MOB3B: variants seen among roughly 807,000 people sequenced by gnomAD.
The protein encoded by MOB3B is MOB kinase activator 3B.
MOB3B carries 7 observed loss-of-function variants against 18.7 expected under a neutral mutation model. The observed-to-expected ratio is 0.37, with a 90% CI of 0.21 to 0.70. The LOEUF (loss-of-function observed/expected upper bound fraction) is 0.70. Ranked by LOEUF, MOB3B falls within the 30% of genes least tolerant of loss-of-function variation. MOB3B has a pLI of 0.52. For synonymous variants in MOB3B, 111 were observed against 99.9 expected, an observed-to-expected ratio of 1.11 and a Z score of -0.66; for missense variants, 253 against 281.3, an observed-to-expected ratio of 0.90 and a Z score of 0.72.
At chr9:27,485,544 C>A (rs1438569723) in intron 1 of MOB3B, among the ~76,000 whole-genome samples, 1 of 152,226 alleles carries the variant, frequency 6.6e-6, no homozygotes, top group East Asian at 1.9e-4. Context: ...CCAATATTAG[C>A]CCCTTTCTTT....
intron 2 of MOB3B, among the ~76,000 whole-genome samples, chr9:27,383,823 G>A (rs922338208): frequency 6.6e-6 from 1 of 152,146 alleles, no homozygotes; most frequent in Non-Finnish European, 1.5e-5. Context: ...TTAAATGGTT[G>A]CAATTACCTT....
At chr9:27,419,585 G>A (rs939224019) in intron 2 of MOB3B, among the ~76,000 whole-genome samples, 1 of 152,172 alleles carries the variant, frequency 6.6e-6, no homozygotes, top group Non-Finnish European at 1.5e-5. Flanking sequence ...ATGGTGCTGG[G>A]ATAATTGGCT....
intron 1 of MOB3B, among the ~76,000 whole-genome samples, chr9:27,475,908 T>A (rs2131471672): frequency 6.6e-6 from 1 of 152,326 alleles, no homozygotes; most frequent in East Asian, 1.9e-4. Context: ...CTTCTGCTCC[T>A]CGGCAAACTA....
At chr9:27,411,943 C>A (rs984285912) in intron 2 of MOB3B, among the ~76,000 whole-genome samples, 5 of 152,038 alleles carry the variant, frequency 3.3e-5, no homozygotes, top group Non-Finnish European at 5.9e-5. Flanking sequence ...CATGTGAGAA[C>A]CCTGTACTAT....
At chr9:27,470,050 A>T (rs1433429868) in intron 1 of MOB3B, among the ~76,000 whole-genome samples, 1 of 151,056 alleles carries the variant, frequency 6.6e-6, no homozygotes, top group Admixed American at 6.6e-5. Flanking sequence ...TCGAGGCCAC[A>T]ATGAACTATA....
rs780368248 is a variant in MOB3B, at chr9:27,527,120, A to C, written c.-199+2435T>G. On this transcript the variant is annotated intron_variant, in intron 1 of 3. Coordinates refer to ENST00000262244, the MANE Select transcript of MOB3B (RefSeq NM_024761.5). ...TAGTGATTTTTTTGGGAAGATTTTTAATTCTAAAAGAAACTGTACAAGCTT... is the reference window on the plus strand; with the variant it reads ...TAGTGATTTTTTTGGGAAGATTTTTCATTCTAAAAGAAACTGTACAAGCTT... Among the ~76,000 whole-genome samples, 25 of 152,312 alleles carry C rather than the reference A, an allele frequency of 1.6e-4. No individual in the cohort carries two copies. The South Asian group carries it at 1.7e-3, about 10-fold the overall frequency.
chr9:27,350,597 T>G (rs552847387), intron 3 of MOB3B, among the ~76,000 whole-genome samples: 1 of 152,204 alleles, frequency 6.6e-6, no homozygotes, highest in African/African-American at 2.4e-5. Context: ...CAGAGACATG[T>G]GGCTATTTTT....
intron 1 of MOB3B, among the ~76,000 whole-genome samples, chr9:27,526,910 G>A (rs990724647): frequency 6.6e-6 from 1 of 152,150 alleles, no homozygotes; most frequent in Non-Finnish European, 1.5e-5. Context: ...TGCATTACTG[G>A]GAGGAAAGTA....
At chr9:27,348,502 A>G (rs886713559) in intron 3 of MOB3B, among the ~76,000 whole-genome samples, 3 of 151,968 alleles carry the variant, frequency 2.0e-5, no homozygotes, top group Admixed American at 6.6e-5. Flanking sequence ...AAAATAAAAA[A>G]ATTATCCGGG....
intron 1 of MOB3B, among the ~76,000 whole-genome samples, chr9:27,527,364 GC>G (rs554697717): frequency 2.8e-4 from 40 of 141,268 alleles, no homozygotes; most frequent in African/African-American, 1.0e-3. Flanking sequence ...CAAAGATGTT[GC>G]TTTTTTTTCT....
At position 27,410,544 on chromosome 9, in the gene MOB3B, T is replaced by A. The variant is rs535008271; in HGVS notation, c.418+44589A>T. Among the ~76,000 whole-genome samples, 17 of 152,220 alleles carry A rather than the reference T, an allele frequency of 1.1e-4. No homozygotes were observed. The South Asian group carries it at 3.5e-3, about 32-fold the overall frequency. On this transcript the variant is annotated intron_variant, in intron 2 of 3. Transcript: ENST00000262244. Reference sequence around the variant, plus strand: ...TGTAAGAGCTCAGTTGTTCCTGTGATGAATGTATATTTTGCATCTTTCTGG... The same window carrying A: ...TGTAAGAGCTCAGTTGTTCCTGTGAAGAATGTATATTTTGCATCTTTCTGG...
At chr9:27,378,650 G>A in intron 2 of MOB3B, 1 of 471,096 alleles carries the variant, frequency 2.1e-6, no homozygotes, top group Non-Finnish European at 4.4e-6. Flanking sequence ...GCCCTTGCCA[G>A]CCCTGATGAC....
intron 3 of MOB3B, among the ~76,000 whole-genome samples, chr9:27,356,673 G>T (rs1821194485): frequency 6.6e-6 from 1 of 152,076 alleles, no homozygotes; most frequent in African/African-American, 2.4e-5. Context: ...CCTTCTTGTG[G>T]GCCTTTGGAG....
At chr9:27,528,301 G>A (rs1163176522) in intron 1 of MOB3B, among the ~76,000 whole-genome samples, 1 of 152,228 alleles carries the variant, frequency 6.6e-6, no homozygotes, top group Non-Finnish European at 1.5e-5. Context: ...TGCCCTAGCA[G>A]CGGCCCAGCC....
intron 1 of MOB3B, among the ~76,000 whole-genome samples, chr9:27,513,502 G>A (rs929063007): frequency 6.6e-6 from 1 of 152,122 alleles, no homozygotes. Flanking sequence ...ATCATGGCTT[G>A]CTGTGCCCTG....
intron 2 of MOB3B, among the ~76,000 whole-genome samples, chr9:27,447,591 G>A (rs1587221976): frequency 1.3e-5 from 2 of 152,316 alleles, no homozygotes; most frequent in East Asian, 1.9e-4. Flanking sequence ...GTAATTAGCT[G>A]TAACTTACAG....
chr9:27,528,969 C>T lies in MOB3B; in HGVS notation c.-199+586G>A, dbSNP rs1022848848. 4.6e-5 allele frequency among the ~76,000 whole-genome samples: 7 copies of T among 152,250 alleles called. No individual in the cohort carries two copies. In the East Asian group the frequency reaches 9.7e-4, roughly 21 times the overall value. ...CCAGATGTTTGACAGTTGTTGGCCCCAAAGTTAAGCGCGATTTGTACGGCC... is the reference window on the plus strand; with the variant it reads ...CCAGATGTTTGACAGTTGTTGGCCCTAAAGTTAAGCGCGATTTGTACGGCC... On this transcript the variant is annotated intron_variant, in intron 1 of 3. Transcript: ENST00000262244.
At chr9:27,457,849 A>G (rs59151672) in intron 1 of MOB3B, among the ~76,000 whole-genome samples, 8,824 of 152,206 alleles carry the variant, frequency 0.058, 783 homozygotes, top group African/African-American at 0.19. Flanking sequence ...ATATCAACAC[A>G]GAAACTCTGC....
intron 2 of MOB3B, among the ~76,000 whole-genome samples, chr9:27,383,805 G>C (rs1486913532): frequency 6.6e-6 from 1 of 152,058 alleles, no homozygotes; most frequent in Non-Finnish European, 1.5e-5. Context: ...AAACATAGTG[G>C]GTACTTATTA....
Sources: allele counts gnomAD v4.1 joint callset (sites outside exome capture counted in the v4.1 genomes callset), GRCh38; gene constraint gnomAD v4.1.1; transcripts MANE v1.5; gene names NCBI Gene and HGNC (gene_info 2026-07-23, HGNC 2026-07-21).